FHIP1A: variants seen among roughly 807,000 people sequenced by gnomAD.
FHIP1A encodes the protein FHF complex subunit HOOK interacting protein 1A.
In FHIP1A, 61 loss-of-function variants were observed where a neutral mutation model predicts 88.6. That is an observed-to-expected ratio of 0.69 (90% confidence interval 0.56 to 0.85). The LOEUF (loss-of-function observed/expected upper bound fraction) is 0.85, where lower values mean the gene tolerates loss of function less well. FHIP1A is among the 40% of genes least tolerant of loss of function. The pLI, the probability that FHIP1A is intolerant of heterozygous loss-of-function variation, is 0.00. For synonymous variants in FHIP1A, 478 were observed against 496.0 expected, an observed-to-expected ratio of 0.96 and a Z score of 0.48; for missense variants, 1,154 against 1,273.5, an observed-to-expected ratio of 0.91 and a Z score of 1.43.
At chr4:151,411,345 A>ATTTT (rs1266533808) in intron 1 of FHIP1A, among the ~76,000 whole-genome samples, 1 of 121,634 alleles carries the variant, frequency 8.2e-6, no homozygotes, top group Non-Finnish European at 1.6e-5. Context: ...GAAATTATAT[A>ATTTT]TATATTTTTT....
intron 5 of FHIP1A, among the ~76,000 whole-genome samples, chr4:151,582,793 A>G (rs1338693032): frequency 4.6e-5 from 7 of 152,196 alleles, no homozygotes; most frequent in Non-Finnish European, 1.0e-4. Context: ...GAATCAATGA[A>G]AGGCTAAAAT....
At chr4:151,476,017 G>A (rs1362179323) in intron 2 of FHIP1A, among the ~76,000 whole-genome samples, 5 of 150,198 alleles carry the variant, frequency 3.3e-5, no homozygotes, top group Non-Finnish European at 5.9e-5. Context: ...GCCCACCATC[G>A]CACCTGGCTA....
At chr4:151,516,612 A>T (rs1580657282) in intron 3 of FHIP1A, among the ~76,000 whole-genome samples, 1 of 152,306 alleles carries the variant, frequency 6.6e-6, no homozygotes, top group South Asian at 2.1e-4. Context: ...CAAGAAAAAA[A>T]CAAACAACCC....
chr4:151,492,666 A>G (rs1248818995), intron 3 of FHIP1A, among the ~76,000 whole-genome samples: 4 of 152,272 alleles, frequency 2.6e-5, no homozygotes, highest in Admixed American at 6.5e-5. Flanking sequence ...AAAATTGGAA[A>G]TTAATTCCAA....
At chr4:151,574,547 T>A (rs1483162501) in intron 4 of FHIP1A, among the ~76,000 whole-genome samples, 4 of 152,050 alleles carry the variant, frequency 2.6e-5, no homozygotes, top group African/African-American at 4.8e-5. Context: ...ATATGCATAT[T>A]TATAAATTTA....
intron 3 of FHIP1A, among the ~76,000 whole-genome samples, chr4:151,546,954 C>T (rs535345043): frequency 9.2e-5 from 14 of 152,148 alleles, no homozygotes; most frequent in African/African-American, 3.4e-4. Flanking sequence ...TTGGTCCCCA[C>T]TTCATCAGTT....
intron 3 of FHIP1A, among the ~76,000 whole-genome samples, chr4:151,508,681 A>G (rs1015024626): frequency 1.3e-5 from 2 of 152,196 alleles, no homozygotes; most frequent in East Asian, 3.8e-4. Flanking sequence ...GCTTAGAATC[A>G]TGGGCTTACC....
intron 1 of FHIP1A, among the ~76,000 whole-genome samples, chr4:151,448,784 C>T (rs1728694383): frequency 6.6e-6 from 1 of 152,122 alleles, no homozygotes. Context: ...TTATGAGTCC[C>T]CACTTTCACT....
intron 7 of FHIP1A, among the ~76,000 whole-genome samples, chr4:151,592,599 C>T (rs1167740667): frequency 6.6e-6 from 1 of 152,070 alleles, no homozygotes; most frequent in African/African-American, 2.4e-5. Context: ...TAATCTTTGC[C>T]CACTTTTTGG....
Position 151,609,119 on chromosome 4 carries a change from A to G in FHIP1A, c.978+20193A>G, listed in dbSNP as rs115145518. ...TTCGATACCATAAAACTTTTTTCGA[A>G]TGGAAATGTTATCAGCTTGGGATTG... On this transcript the variant is annotated intron_variant, in intron 7 of 13. Coordinates refer to ENST00000435205, the MANE Select transcript of FHIP1A (RefSeq NM_001109977.3). 3.0e-3 allele frequency among the ~76,000 whole-genome samples: 462 copies of G among 152,238 alleles called. 3 individuals carry two copies. The highest frequency in any genetic ancestry group is 0.011 in the African/African-American group (444 of 41,542).
intron 3 of FHIP1A, among the ~76,000 whole-genome samples, chr4:151,489,693 C>T (rs764169047): frequency 5.9e-5 from 9 of 152,062 alleles, no homozygotes; most frequent in Non-Finnish European, 1.0e-4. Context: ...CTGTCATTGC[C>T]GACTTTCCCC....
rs140882165 is a variant in FHIP1A, at chr4:151,644,476, C to T, written c.1227-2082C>T. Among the ~76,000 whole-genome samples the T allele has an allele frequency of 5.7e-3, 861 of 152,150 alleles. 7 individuals are homozygous for T. Among genetic ancestry groups the T allele is most frequent in the African/African-American group, 0.019 (809 of 41,492 alleles). Reference sequence around the variant, plus strand: ...AAGTGATCCTCCTACCTCAGCCTCCCGACTAGCTGGGACTACAAGTACACA... The same window carrying T: ...AAGTGATCCTCCTACCTCAGCCTCCTGACTAGCTGGGACTACAAGTACACA... On this transcript the variant is annotated intron_variant, in intron 9 of 13. Transcript: ENST00000435205.
At position 151,638,304 on chromosome 4, in the gene FHIP1A, T is replaced by A. The variant is rs1736432402; in HGVS notation, c.1147-373T>A. Among the ~76,000 whole-genome samples, 4 of 147,422 alleles carry A rather than the reference T, an allele frequency of 2.7e-5. No homozygotes were observed. In the South Asian group the frequency reaches 8.6e-4, roughly 32 times the overall value. ...AAATAACTCAGGAAAACAAATTACC[T>A]AAATAGGAGATTGTGTGTGTGTGTG... On this transcript the variant is annotated intron_variant, in intron 8 of 13. Transcript: ENST00000435205.
chr4:151,638,315 TTGTG>T (rs146664249), intron 8 of FHIP1A, among the ~76,000 whole-genome samples: 170 of 143,808 alleles, frequency 1.2e-3, no homozygotes, highest in Middle Eastern at 3.6e-3. Context: ...AAATAGGAGA[TTGTG>T]TGTGTGTGTG....
chr4:151,656,886 G>T lies in FHIP1A; in HGVS notation c.2857G>T (p.Ala953Ser). 6.4e-7 allele frequency: 1 copy of T among 1,550,596 alleles called. No homozygotes were observed. The highest frequency in any genetic ancestry group is 2.4e-5 in the East Asian group (1 of 40,912). ...RVDMSDMTPA[A>S]LTKDPIQEAS... ...GGACATGTCTGATATGACCCCTGCA[G>T]CACTAACCAAAGGTAAGCCAGGTTT... The change falls in exon 13 of 14, where the codon GCA becomes TCA. Residue 953 changes from alanine to serine, a missense_variant. Physicochemically the swap from Ala to Ser is moderately conservative, Grantham distance 99 (BLOSUM62 1). Coordinates refer to ENST00000435205, the MANE Select transcript of FHIP1A (RefSeq NM_001109977.3). This position sits in a 1 kb window ranked among gnomAD's most constrained non-coding sequence, Gnocchi z 4.2.
At chr4:151,641,807 TA>T (rs1011358586) in intron 9 of FHIP1A, among the ~76,000 whole-genome samples, 2 of 152,216 alleles carry the variant, frequency 1.3e-5, no homozygotes, top group African/African-American at 4.8e-5. Flanking sequence ...TTAAGGGACA[TA>T]AAAAATAGAT....
In FHIP1A at chr4:151,510,978, ACTTTATGAT is replaced by A. The variant is rs368383734; in HGVS notation, c.-123+28335_-123+28343del. ...CAAGATGTAGCTCTTGCCTTTAAAGACTTTATGATCTTTTGGGGGAAGTATACAATTGCA... is the reference window on the plus strand; with the variant it reads ...CAAGATGTAGCTCTTGCCTTTAAAGACTTTTGGGGGAAGTATACAATTGCA... On this transcript the variant is annotated intron_variant, in intron 3 of 13. Coordinates refer to ENST00000435205, the MANE Select transcript of FHIP1A (RefSeq NM_001109977.3). Among the ~76,000 whole-genome samples, 689 of 152,302 alleles carry A rather than the reference ACTTTATGAT, an allele frequency of 4.5e-3. 3 individuals carry two copies. Among genetic ancestry groups the A allele is most frequent in the African/African-American group, 0.016 (650 of 41,568 alleles).
At chr4:151,502,038 A>C (rs1316414402) in intron 3 of FHIP1A, among the ~76,000 whole-genome samples, 1 of 151,734 alleles carries the variant, frequency 6.6e-6, no homozygotes, top group African/African-American at 2.4e-5. Flanking sequence ...TAAAGGGGCC[A>C]GGCACAATGG....
At chr4:151,443,927 C>T (rs1323941468) in intron 1 of FHIP1A, among the ~76,000 whole-genome samples, 2 of 151,878 alleles carry the variant, frequency 1.3e-5, no homozygotes, top group African/African-American at 4.8e-5. Context: ...TGCGTGAAGG[C>T]TGTGCTAGAG....
Sources: gnomAD v4.1 joint callset for allele counts (sites outside exome capture counted in the v4.1 genomes callset) on GRCh38, gnomAD v4.1.1 for gene constraint, Gnocchi (gnomAD v3.1) non-coding constraint, MANE v1.5 for transcripts, NCBI Gene and HGNC (gene_info 2026-07-23, HGNC 2026-07-21) for gene names.